The following PRELID3A variants were observed in gnomAD, a reference collection of about 807,000 sequenced individuals.
The protein encoded by PRELID3A is PRELI domain containing 3A, also known as PRELI domain containing protein 3A.
A neutral mutation model predicts 23.0 loss-of-function variants in PRELID3A; 27 were observed. The observed-to-expected ratio is 1.17, with a 90% CI of 0.87 to 1.62. The LOEUF (loss-of-function observed/expected upper bound fraction) is 1.62, where lower values mean the gene tolerates loss of function less well. PRELID3A is among the 40% of genes most tolerant of loss of function. The probability of loss-of-function intolerance (pLI) is 0.00; values close to 1 mark genes in which losing one functional copy is unlikely to be tolerated. For missense variants in PRELID3A, 231 were observed against 231.4 expected (o/e 1.00, Z 0.01); for synonymous variants, 87 against 86.4 (o/e 1.01, Z -0.04).
intron 3 of PRELID3A, among the ~76,000 whole-genome samples, chr18:12,426,417 G>A (rs1432050664): frequency 2.6e-5 from 4 of 151,362 alleles, no homozygotes; most frequent in Admixed American, 1.3e-4. Flanking sequence ...AGCTGGGCAT[G>A]GTGGCAGGTG....
chr18:12,429,238 C>T, intron 5 of PRELID3A, 112 bp from the exon 6 acceptor site: 2 of 848,120 alleles, frequency 2.4e-6, no homozygotes, highest in Non-Finnish European at 4.0e-6. Context: ...TGCTGTGTCT[C>T]CTTGTAACTG....
rs1555675950 is a variant in PRELID3A at position 12,409,159 on chromosome 18, G to GGT, written c.32+1152_32+1153insGT. Among the ~76,000 whole-genome samples, 7 of 66,486 alleles carry GGT rather than the reference G, an allele frequency of 1.1e-4. No individual in the cohort carries two copies. The East Asian group carries it at 1.6e-3, about 15-fold the overall frequency. 43.6% of individuals were successfully genotyped at this position (66,486 alleles called of 152,430 possible). A position where few individuals can be genotyped will look rare whatever the true frequency, so the allele number is the denominator to read the frequency against. ...AGTCTCATTCTGTCACCCAGGCTGG[G>GGT]TTTTTTTTTTTTTTTTTTTTTTTTT... On this transcript the variant is annotated intron_variant, in intron 1 of 6. Transcript: ENST00000440960.
At position 12,415,144 on chromosome 18, in the gene PRELID3A, G is replaced by A. The variant is rs138652613; in HGVS notation, c.33-5181G>A. On this transcript the variant is annotated intron_variant, in intron 1 of 6. Coordinates refer to ENST00000440960, the MANE Select transcript of PRELID3A (RefSeq NM_001142405.2). Reference sequence around the variant, plus strand: ...GGGATCTTGCTCTATTGCGCAGGCTGGTCTTGAACTCCTGGTCTCAAGTGA... The same window carrying A: ...GGGATCTTGCTCTATTGCGCAGGCTAGTCTTGAACTCCTGGTCTCAAGTGA... Among the ~76,000 whole-genome samples the A allele has an allele frequency of 3.5e-3, 526 of 152,050 alleles. 2 individuals are homozygous for A. Among genetic ancestry groups the A allele is most frequent in the South Asian group, 8.1e-3 (39 of 4,814 alleles).
At chr18:12,422,639 G>C (rs1402242622) in intron 3 of PRELID3A, among the ~76,000 whole-genome samples, 1 of 152,060 alleles carries the variant, frequency 6.6e-6, no homozygotes, top group African/African-American at 2.4e-5. Context: ...TTATGGGTGT[G>C]AGCCACCGCA....
intron 5 of PRELID3A, among the ~76,000 whole-genome samples, chr18:12,428,835 A>G (rs1316959386): frequency 1.3e-5 from 2 of 152,248 alleles, no homozygotes; most frequent in Non-Finnish European, 2.9e-5. Context: ...GTGAGGCCAC[A>G]GCTACCTTAG....
chr18:12,421,124 C>G (rs2030167154), intron 2 of PRELID3A, among the ~76,000 whole-genome samples: 2 of 152,320 alleles, frequency 1.3e-5, no homozygotes, highest in Non-Finnish European at 2.9e-5. Context: ...CAGTCCACAC[C>G]CTGGCCTGGC....
At position 12,412,136 on chromosome 18, in the gene PRELID3A, C is replaced by T. The variant is rs575568399; in HGVS notation, c.32+4129C>T. On this transcript the variant is annotated intron_variant, in intron 1 of 6. Coordinates refer to ENST00000440960, the MANE Select transcript of PRELID3A (RefSeq NM_001142405.2). ...CCATCTCCTGACCTCGTGATCCGCC[C>T]GCCTTGGCCTCCCAAAGTGCTGGGA... is the stretch of plus-strand genomic sequence containing the variant. Among the ~76,000 whole-genome samples the T allele has an allele frequency of 8.6e-5, 13 of 151,860 alleles. No individual in the cohort carries two copies. The East Asian group carries it at 1.9e-3, about 23-fold the overall frequency.
chr18:12,417,299 G>T (rs939174578), intron 1 of PRELID3A, among the ~76,000 whole-genome samples: 1 of 151,874 alleles, frequency 6.6e-6, no homozygotes, highest in African/African-American at 2.4e-5. Context: ...TCAGTCTCCC[G>T]AGTAGCTGGG....
At chr18:12,416,813 T>G (rs1217027667) in intron 1 of PRELID3A, among the ~76,000 whole-genome samples, 2 of 151,642 alleles carry the variant, frequency 1.3e-5, no homozygotes, top group Non-Finnish European at 2.9e-5. Context: ...GCCCGGCTAA[T>G]TTTTTGTATT....
intron 2 of PRELID3A, among the ~76,000 whole-genome samples, 158 bp downstream of exon 2, chr18:12,420,651 G>A (rs2030141648): frequency 6.8e-6 from 1 of 148,104 alleles, no homozygotes; most frequent in Admixed American, 6.7e-5. Flanking sequence ...ATCAGGGGGC[G>A]CGGGGTGGGG....
intron 4 of PRELID3A, 36 bp downstream of exon 4, chr18:12,427,147 C>T: frequency 6.2e-7 from 1 of 1,602,282 alleles, no homozygotes; most frequent in Non-Finnish European, 8.6e-7. Context: ...ACATTGAATG[C>T]CACGGGTGAG....
chr18:12,416,293 TG>T (rs1368080597), intron 1 of PRELID3A, among the ~76,000 whole-genome samples: 7 of 151,686 alleles, frequency 4.6e-5, no homozygotes, highest in African/African-American at 1.5e-4. Context: ...TTGTTCTTTC[TG>T]GGTTTTTGTT....
In PRELID3A at chr18:12,426,207, C is replaced by A. The variant is rs1181161746; in HGVS notation, c.292-834C>A. On this transcript the variant is annotated intron_variant, in intron 3 of 6. Transcript: ENST00000440960. ...TGAGCCAAGATCATGCCCCTGCAGT[C>A]CAGCCTGGTAACAGAGCGAGACTCT... Among the ~76,000 whole-genome samples, 4 of 151,392 alleles carry A rather than the reference C, an allele frequency of 2.6e-5. 1 individual carries two copies. The highest frequency in any genetic ancestry group is 9.7e-5 in the African/African-American group (4 of 41,052).
At chr18:12,425,972 C>T (rs1343936248) in intron 3 of PRELID3A, among the ~76,000 whole-genome samples, 1 of 151,870 alleles carries the variant, frequency 6.6e-6, no homozygotes, top group South Asian at 2.1e-4. Flanking sequence ...TGTGGTGGCT[C>T]ATGCCTGTAA....
At chr18:12,410,249 A>G (rs1443604090) in intron 1 of PRELID3A, among the ~76,000 whole-genome samples, 1 of 152,234 alleles carries the variant, frequency 6.6e-6, no homozygotes, top group Non-Finnish European at 1.5e-5. Flanking sequence ...GGAAGGGGTG[A>G]GGAATCTTAC....
chr18:12,415,116 A>G (rs1027860962), intron 1 of PRELID3A, among the ~76,000 whole-genome samples: 3 of 151,948 alleles, frequency 2.0e-5, no homozygotes, highest in African/African-American at 7.3e-5. Context: ...TTTTGTTGAC[A>G]TAGGGATCTT....
intron 1 of PRELID3A, among the ~76,000 whole-genome samples, chr18:12,411,191 G>T (rs1206049417): frequency 6.8e-6 from 1 of 146,092 alleles, no homozygotes; most frequent in African/African-American, 2.5e-5. Context: ...AAAATTAAAA[G>T]TATATGGCCA....
At chr18:12,424,329 T>C (rs2030288164) in intron 3 of PRELID3A, among the ~76,000 whole-genome samples, 1 of 152,236 alleles carries the variant, frequency 6.6e-6, no homozygotes, top group Admixed American at 6.5e-5. Flanking sequence ...GCTTGCATCC[T>C]GAAGCCATCG....
At chr18:12,428,160 A>C (rs2030439044) in intron 5 of PRELID3A, among the ~76,000 whole-genome samples, 1 of 152,174 alleles carries the variant, frequency 6.6e-6, no homozygotes, top group South Asian at 2.1e-4. Context: ...TGTGGAGGTG[A>C]GAGGAGAAAG....
Sources: allele counts gnomAD v4.1 joint callset (sites outside exome capture counted in the v4.1 genomes callset), GRCh38; gene constraint gnomAD v4.1.1; transcripts MANE v1.5; gene names NCBI Gene and HGNC (gene_info 2026-07-23, HGNC 2026-07-21).